The following PPIL2 variants were observed in gnomAD, a reference collection of about 807,000 sequenced individuals.
PPIL2 encodes RING-type E3 ubiquitin-protein ligase PPIL2.
Under a neutral mutation model 75.2 loss-of-function variants are expected in PPIL2, and 50 were observed. That is an observed-to-expected ratio of 0.66 (90% CI 0.53 to 0.84). PPIL2 has a LOEUF of 0.84. Ranked by LOEUF, PPIL2 falls within the 40% of genes least tolerant of loss-of-function variation. PPIL2 has a pLI of 0.00. For synonymous variants in PPIL2, 245 were observed against 258.8 expected (o/e 0.95, Z 0.51); for missense variants, 590 against 685.0 (o/e 0.86, Z 1.55).
At chr22:21,667,649 A>G (rs544922393) in intron 1 of PPIL2, among the ~76,000 whole-genome samples, 3 of 151,828 alleles carry the variant, frequency 2.0e-5, no homozygotes, top group South Asian at 4.2e-4. Context: ...TTTCTTTTCC[A>G]TAAACATTCT....
rs1182215858 is a variant in PPIL2, at chr22:21,676,824, C to T, written c.295+1709C>T. Among the ~76,000 whole-genome samples the T allele has an allele frequency of 4.3e-3, 657 of 151,438 alleles. 3 individuals are homozygous for T. Among genetic ancestry groups the T allele is most frequent in the Non-Finnish European group, 6.9e-3 (470 of 67,710 alleles). ...TCCCCACATTTCCCCCTTTTCTATT[C>T]GACAAAACCACCATCGTCATCATGG... is the stretch of plus-strand genomic sequence containing the variant. On this transcript the variant is annotated intron_variant, in intron 6 of 19. Coordinates refer to ENST00000398831, the MANE Select transcript of PPIL2 (RefSeq NM_014337.4).
At chr22:21,683,399 G>A in intron 9 of PPIL2, 142 bp downstream of exon 9, 1 of 703,788 alleles carries the variant, frequency 1.4e-6, no homozygotes, top group Non-Finnish European at 2.4e-6. Context: ...CTAGTGTTCA[G>A]AGAATCTGAG....
chr22:21,677,804 G>C (rs558241300), intron 6 of PPIL2, among the ~76,000 whole-genome samples: 2 of 152,336 alleles, frequency 1.3e-5, no homozygotes, highest in East Asian at 3.9e-4. Context: ...GCATTCTGGT[G>C]GGGGAGAACA....
At chr22:21,692,336 A>C (rs539914321) in intron 15 of PPIL2, among the ~76,000 whole-genome samples, 4 of 151,398 alleles carry the variant, frequency 2.6e-5, no homozygotes, top group East Asian at 2.0e-4. Context: ...TTGTATTTTT[A>C]GTAGAGATGG....
chr22:21,670,642 G>A (rs1327626955), intron 3 of PPIL2, 31 bp downstream of exon 3: 1 of 1,580,788 alleles, frequency 6.3e-7, no homozygotes, highest in East Asian at 2.2e-5. Context: ...CCTTTCCCTT[G>A]TAATTGTTCT....
chr22:21,681,517 C>A, intron 7 of PPIL2, 127 bp downstream of exon 7: 1 of 783,504 alleles, frequency 1.3e-6, no homozygotes, highest in Non-Finnish European at 2.1e-6. Context: ...GTCACAGCCA[C>A]AGGCATGGTC....
chr22:21,682,486 C>T lies in PPIL2; in HGVS notation c.437C>T (p.Thr146Ile), dbSNP rs766925434. 2.1e-5 allele frequency: 33 copies of T among 1,603,902 alleles called. No homozygotes were observed. The highest frequency in any genetic ancestry group is 2.8e-5 in the Non-Finnish European group (33 of 1,175,758). Residue 146 changes from threonine to isoleucine, a missense_variant, in exon 8 of 20, where the codon ACC becomes ATC. Thr to Ile is a moderately conservative substitution (Grantham distance 89). Coordinates refer to ENST00000398831, the MANE Select transcript of PPIL2 (RefSeq NM_014337.4). ...IKAKNFRDLL[T>I]DEPFSRQDII... is the part of the protein sequence containing the mutation. ...GCCAAGAACTTCCGGGACCTGCTGA[C>T]CGACGAGCCCTTCTCCCGGCAGGAC...
intron 4 of PPIL2, 101 bp downstream of exon 4, chr22:21,671,160 A>G (rs971294774): frequency 2.3e-4 from 275 of 1,172,054 alleles, no homozygotes; most frequent in Admixed American, 6.9e-4. Flanking sequence ...TTGGGCACAC[A>G]GAAGTAACAG....
chr22:21,694,127 C>T (rs2067804546), intron 16 of PPIL2, among the ~76,000 whole-genome samples: 1 of 152,192 alleles, frequency 6.6e-6, no homozygotes, highest in Non-Finnish European at 1.5e-5. Flanking sequence ...CTGTCTCAGA[C>T]CCAGTGGCGC....
At position 21,666,081 on chromosome 22, in the gene PPIL2, T is replaced by C. The variant is rs752578381; in HGVS notation, c.-19T>C. On this transcript the variant is annotated 5_prime_UTR_variant, in exon 1 of 20. Transcript: ENST00000398831. Reference sequence around the variant, plus strand: ...GCCGTTGTTTTTTCGTGCTCGCTAGTCGCCGCCGCCGCTCCGCCATGGGGA... The same window carrying C: ...GCCGTTGTTTTTTCGTGCTCGCTAGCCGCCGCCGCCGCTCCGCCATGGGGA... 13 of 1,611,654 alleles carry C rather than the reference T, an allele frequency of 8.1e-6. No individual in the cohort carries two copies. The highest frequency in any genetic ancestry group is 1.1e-5 in the Non-Finnish European group (13 of 1,179,088).
intron 15 of PPIL2, 45 bp downstream of exon 15, chr22:21,688,894 C>CT (rs1177363156): frequency 6.5e-7 from 1 of 1,547,870 alleles, no homozygotes; most frequent in South Asian, 1.1e-5. Flanking sequence ...GGTGAGCCGG[C>CT]ACTCTCTGCG....
chr22:21,695,415 G>C lies in PPIL2; in HGVS notation c.1488G>C (p.Glu496Asp). The C allele has an allele frequency of 6.2e-7, 1 of 1,609,676 alleles. No individual in the cohort carries two copies. The highest frequency in any genetic ancestry group is 8.5e-7 in the Non-Finnish European group (1 of 1,178,072). The change falls in exon 20 of 20, where the codon GAG (glutamate) becomes GAC (aspartate). Residue 496 changes from glutamate (E) to aspartate (D), a missense_variant. Transcript: ENST00000398831. ...CCAGGAAGCGAGCAGCAGAGGAAGA[G>C]CCCTCAACCAGTGCCACTGTCCCCA... is the stretch of plus-strand genomic sequence containing the variant. ...PAATKRAAEE[E>D]PSTSATVPMS...
rs2067978868 is a variant in PPIL2 at position 21,697,369 on chromosome 22, T to C, written c.*1879T>C. On this transcript the variant is annotated 3_prime_UTR_variant, in exon 20 of 20. Coordinates refer to ENST00000398831, the MANE Select transcript of PPIL2 (RefSeq NM_014337.4). ...GCTGGCCCTGACTGACTGTATTCTC[T>C]GGCCACATTCAAGTCCCCCATTGGT... 4.3e-6 allele frequency: 1 copy of C among 232,668 alleles called. No individual in the cohort carries two copies. Among genetic ancestry groups the C allele is most frequent in the African/African-American group, 2.3e-5 (1 of 44,280 alleles). 14.4% of individuals were successfully genotyped at this position (232,668 alleles called of 1,614,324 possible). A position where few individuals can be genotyped will look rare whatever the true frequency, so the allele number is the denominator to read the frequency against.
At chr22:21,666,267 C>T in intron 1 of PPIL2, 136 bp downstream of exon 1, 1 of 1,057,704 alleles carries the variant, frequency 9.5e-7, no homozygotes, top group Non-Finnish European at 1.3e-6. Context: ...CCGGAAGCTG[C>T]CGCCCTGTCT....
intron 1 of PPIL2, among the ~76,000 whole-genome samples, chr22:21,668,355 G>T (rs1039476027): frequency 1.3e-5 from 2 of 151,788 alleles, no homozygotes; most frequent in Admixed American, 6.6e-5. Context: ...GGCCAGGCAC[G>T]GTGGCTCACA....
In PPIL2 at chr22:21,688,725, C is replaced by T. The variant is rs761991494; in HGVS notation, c.1022-7C>T. 1.2e-6 allele frequency: 2 copies of T among 1,613,858 alleles called. No individual in the cohort carries two copies. The highest frequency in any genetic ancestry group is 1.7e-6 in the Non-Finnish European group (2 of 1,179,752). On this transcript the variant is annotated splice_polypyrimidine_tract_variant and splice_region_variant and intron_variant, in intron 14 of 19. Coordinates refer to ENST00000398831, the MANE Select transcript of PPIL2 (RefSeq NM_014337.4). ...CTTTCCTGCTCCCATGGGCCTTTCT[C>T]TTCCAGGTGGGGAGTCATACTGGGG...
At chr22:21,680,682 T>C (rs1303648622) in intron 6 of PPIL2, among the ~76,000 whole-genome samples, 3 of 150,546 alleles carry the variant, frequency 2.0e-5, no homozygotes, top group Non-Finnish European at 4.4e-5. Context: ...ACAGAAAAAT[T>C]AGCCGGGCAT....
intron 3 of PPIL2, 188 bp from the exon 4 acceptor site, chr22:21,670,809 C>A (rs1364321076): frequency 1.2e-6 from 1 of 836,822 alleles, no homozygotes; most frequent in Non-Finnish European, 2.0e-6. Context: ...CTGCTCTAGA[C>A]CTTCACCAGG....
intron 6 of PPIL2, among the ~76,000 whole-genome samples, chr22:21,678,859 T>C (rs2066984341): frequency 6.6e-6 from 1 of 151,522 alleles, no homozygotes; most frequent in Admixed American, 6.6e-5. Flanking sequence ...CCCAAGTAGA[T>C]GGGACCACAG....
Sources: gnomAD v4.1 joint callset for allele counts (sites outside exome capture counted in the v4.1 genomes callset) on GRCh38, gnomAD v4.1.1 for gene constraint, MANE v1.5 for transcripts, NCBI Gene and HGNC (gene_info 2026-07-23, HGNC 2026-07-21) for gene names.